The following GYS2 variants were observed in gnomAD, a reference collection of about 807,000 sequenced individuals.
GYS2 encodes the protein glycogen [starch] synthase, liver.
A neutral mutation model predicts 85.6 loss-of-function variants in GYS2; 80 were observed. That is an observed-to-expected ratio of 0.93 (90% CI 0.78 to 1.13). GYS2 has a LOEUF of 1.13. Among genes scored for constraint, GYS2 ranks in the 50% most tolerant of loss-of-function variants. GYS2 has a pLI of 0.00. For synonymous variants in GYS2, 328 were observed against 300.7 expected (o/e 1.09, Z -0.94); for missense variants, 881 against 854.9 (o/e 1.03, Z -0.38).
intron 2 of GYS2, among the ~76,000 whole-genome samples, chr12:21,577,283 T>G (rs886511134): frequency 5.3e-5 from 8 of 152,228 alleles, no homozygotes; most frequent in Non-Finnish European, 8.8e-5. Flanking sequence ...TAACATGTAA[T>G]ATTACTATAT....
At chr12:21,538,035 T>C (rs1236440835) in intron 15 of GYS2, among the ~76,000 whole-genome samples, 1 of 152,186 alleles carries the variant, frequency 6.6e-6, no homozygotes, top group African/African-American at 2.4e-5. Flanking sequence ...GTTCTGCACT[T>C]GAGACCTAGC....
chr12:21,583,352 G>A (rs1257425892), intron 1 of GYS2, among the ~76,000 whole-genome samples: 1 of 152,162 alleles, frequency 6.6e-6, no homozygotes, highest in East Asian at 1.9e-4. Context: ...CCAAGAAATA[G>A]GCACAACGCC....
At chr12:21,581,923 A>G (rs1944514313) in intron 1 of GYS2, among the ~76,000 whole-genome samples, 1 of 152,214 alleles carries the variant, frequency 6.6e-6, no homozygotes, top group Admixed American at 6.5e-5. Flanking sequence ...AGGATTAAAA[A>G]TTAGATGTGG....
chr12:21,583,649 A>G (rs529605997), intron 1 of GYS2, among the ~76,000 whole-genome samples: 1 of 152,352 alleles, frequency 6.6e-6, no homozygotes, highest in Non-Finnish European at 1.5e-5. Context: ...AGGCCCTGCC[A>G]TCTTCTGCAG....
intron 1 of GYS2, among the ~76,000 whole-genome samples, chr12:21,587,212 G>C (rs993318425): frequency 6.6e-6 from 1 of 152,134 alleles, no homozygotes; most frequent in Non-Finnish European, 1.5e-5. Flanking sequence ...AGTATGGTGA[G>C]GACTGAAAAA....
At chr12:21,558,784 T>C (rs1251755337) in intron 10 of GYS2, among the ~76,000 whole-genome samples, 3 of 152,172 alleles carry the variant, frequency 2.0e-5, no homozygotes, top group African/African-American at 4.8e-5. Flanking sequence ...TCAAATTCTA[T>C]GTTTTGGAAG....
chr12:21,544,192 A>G (rs891969411), intron 12 of GYS2, among the ~76,000 whole-genome samples: 2 of 152,232 alleles, frequency 1.3e-5, no homozygotes, highest in African/African-American at 4.8e-5. Flanking sequence ...TACCACCAGA[A>G]GTCGCATTCT....
In GYS2 at chr12:21,560,407, T is replaced by A. The variant is rs779968411; in HGVS notation, c.1148A>T (p.Gln383Leu). The A allele has an allele frequency of 2.8e-5, 45 of 1,601,272 alleles. No individual in the cohort carries two copies. The highest frequency in any genetic ancestry group is 1.2e-4 in the South Asian group (11 of 90,804). The change falls in exon 8 of 16, where the codon CAA becomes CTA. Residue 383 changes from glutamine to leucine, a missense_variant. Transcript: ENST00000261195. The stretch of plus-strand genomic sequence containing the variant: ...TTACCACAGCTGTTTTCGCACTGCT[T>A]GTCCTTTCAGGGTTTCCACGTTGAA... ...NNFNVETLKG[Q>L]AVRKQLWDVA...
At chr12:21,537,307 G>C in intron 15 of GYS2, 132 bp from the exon 16 acceptor site, 1 of 700,436 alleles carries the variant, frequency 1.4e-6, no homozygotes, top group Non-Finnish European at 2.6e-6. Flanking sequence ...ATTAAACTTT[G>C]ATTCATTTTG....
intron 1 of GYS2, among the ~76,000 whole-genome samples, chr12:21,602,695 C>CA (rs937344864): frequency 9.3e-5 from 14 of 150,504 alleles, no homozygotes; most frequent in African/African-American, 2.2e-4. Flanking sequence ...CAAATTTTTT[C>CA]AAAAAAAAAT....
At chr12:21,570,245 A>C (rs754483776) in intron 4 of GYS2, among the ~76,000 whole-genome samples, 2 of 152,240 alleles carry the variant, frequency 1.3e-5, no homozygotes, top group Non-Finnish European at 2.9e-5. Flanking sequence ...TAAAAGCTCT[A>C]TGTGGCCAGC....
At chr12:21,552,143 T>C (rs2136861752) in intron 11 of GYS2, among the ~76,000 whole-genome samples, 2 of 152,302 alleles carry the variant, frequency 1.3e-5, no homozygotes, top group South Asian at 4.1e-4. Context: ...AGCTCCTGGC[T>C]CACAGCAGAC....
Position 21,540,481 on chromosome 12 carries a change from G to T in GYS2, c.1738C>A (p.Arg580Ser), listed in dbSNP as rs748945649. ...FLYGFCKQSR[R>S]QRIIQRNRTE... ...CTGTTCCTCTGGATAATCCTTTGGC[G>T]GCGTGACTGTTTGCAAAATCCATAG... The change falls in exon 14 of 16, where the codon CGC becomes AGC. Residue 580 changes from arginine (R) to serine (S), a missense_variant. Physicochemically the swap from Arg to Ser is moderately radical, Grantham distance 110. Coordinates refer to ENST00000261195, the MANE Select transcript of GYS2 (RefSeq NM_021957.4). 6 of 1,613,742 alleles carry T rather than the reference G, an allele frequency of 3.7e-6. No homozygotes were observed. Among genetic ancestry groups the T allele is most frequent in the Non-Finnish European group, 4.2e-6 (5 of 1,179,850 alleles).
intron 11 of GYS2, among the ~76,000 whole-genome samples, chr12:21,549,752 T>C (rs1173753487): frequency 6.6e-6 from 1 of 152,236 alleles, no homozygotes. Flanking sequence ...TGCTGTGTTC[T>C]TTTCATTGCA....
intron 12 of GYS2, among the ~76,000 whole-genome samples, chr12:21,545,854 T>C (rs1944032000): frequency 6.6e-6 from 1 of 152,238 alleles, no homozygotes; most frequent in Admixed American, 6.5e-5. Flanking sequence ...TACACCTTTT[T>C]ATATTTATTT....
At chr12:21,534,549 G>A (rs1184810544), downstream of GYS2, among the ~76,000 whole-genome samples, 1 of 132,816 alleles carries the variant, frequency 7.5e-6, no homozygotes. Flanking sequence ...AAGAAATAAA[G>A]AGAGAAAGGA....
chr12:21,544,409 T>TA (rs1178149040), intron 12 of GYS2, among the ~76,000 whole-genome samples: 1 of 152,230 alleles, frequency 6.6e-6, no homozygotes, highest in Non-Finnish European at 1.5e-5. Context: ...CTTTGCCCTA[T>TA]AAAATGACAC....
chr12:21,583,081 C>A (rs1259262415), intron 1 of GYS2, among the ~76,000 whole-genome samples: 2 of 152,170 alleles, frequency 1.3e-5, no homozygotes, highest in African/African-American at 4.8e-5. Context: ...TTGGAGAGAA[C>A]TTGCTCACCT....
chr12:21,603,304 C>T (rs1390313873), intron 1 of GYS2, among the ~76,000 whole-genome samples: 1 of 152,092 alleles, frequency 6.6e-6, no homozygotes, highest in African/African-American at 2.4e-5. Context: ...CTCTTATATG[C>T]ATTCTGTCCA....
Sources: allele counts gnomAD v4.1 joint callset (sites outside exome capture counted in the v4.1 genomes callset), GRCh38; gene constraint gnomAD v4.1.1; transcripts MANE v1.5; gene names NCBI Gene and HGNC (gene_info 2026-07-23, HGNC 2026-07-21).